EIF3D: variants seen among roughly 807,000 people sequenced by gnomAD.
EIF3D encodes eIF3 p66.
A neutral mutation model predicts 75.4 loss-of-function variants in EIF3D; 10 were observed. The ratio of observed to expected loss-of-function variants is 0.13; its 90% CI spans 0.08 to 0.22. EIF3D has a LOEUF of 0.22. Ranked by LOEUF, EIF3D falls within the 10% of genes least tolerant of loss-of-function variation. The probability of loss-of-function intolerance (pLI) is 1.00; values close to 1 mark genes in which losing one functional copy is unlikely to be tolerated. For missense variants in EIF3D, 394 were observed against 708.0 expected (o/e 0.56, Z 5.03); for synonymous variants, 246 against 248.3 (o/e 0.99, Z 0.09).
intron 14 of EIF3D, 68 bp downstream of exon 14, chr22:36,511,435 G>A (rs1453366135): frequency 1.9e-6 from 3 of 1,583,006 alleles, no homozygotes; most frequent in Non-Finnish European, 2.6e-6. Context: ...GATCACAATG[G>A]CTACAGAGCT....
chr22:36,512,477 A>G lies in EIF3D; in HGVS notation c.1332T>C (p.Ser444=). Residue 444 remains serine, a synonymous_variant, in exon 13 of 15, where the codon TCT becomes TCC. Transcript: ENST00000216190. Reference sequence around the variant, plus strand: ...AATCTCACCCAAGCTTGAGGTACTCAGATCCAGCCAGCAAAGCACAGCAGG... The same window carrying G: ...AATCTCACCCAAGCTTGAGGTACTCGGATCCAGCCAGCAAAGCACAGCAGG... The part of the protein sequence containing the change: ...RWTCCALLAG[S]EYLKLGYVSR... The G allele has an allele frequency of 6.2e-7, 1 of 1,614,202 alleles. No homozygotes were observed. Among genetic ancestry groups the G allele is most frequent in the Non-Finnish European group, 8.5e-7 (1 of 1,180,028 alleles).
At chr22:36,528,597 G>GC (rs1238305639) in intron 1 of EIF3D, 4 of 147,124 alleles carry the variant, frequency 2.7e-5, no homozygotes, top group Admixed American at 2.0e-4. Flanking sequence ...GCTGAACAGG[G>GC]GGTGGGGTAG....
At position 36,516,649 on chromosome 22, in the gene EIF3D, T is replaced by C. The variant is rs371133317; in HGVS notation, c.1077-42A>G. 15 of 1,613,892 alleles carry C rather than the reference T, an allele frequency of 9.3e-6. No individual in the cohort carries two copies. The African/African-American group carries it at 9.3e-5, about 10-fold the overall frequency. On this transcript the variant is annotated intron_variant, in intron 11 of 14. Transcript: ENST00000216190. ...ACTCATGTGGTCACTGGGGATTCTA[T>C]AGAGTGGGGCCCGTGCTCCAGTCTG...
At chr22:36,524,549 C>T (rs1184491758) in intron 4 of EIF3D, 47 bp downstream of exon 4, 1 of 1,609,918 alleles carries the variant, frequency 6.2e-7, no homozygotes, top group Non-Finnish European at 8.5e-7. Context: ...AGGTGATGGC[C>T]AACAGTAACA....
intron 12 of EIF3D, among the ~76,000 whole-genome samples, chr22:36,515,084 A>G (rs924122339): frequency 6.6e-6 from 1 of 152,216 alleles, no homozygotes; most frequent in Admixed American, 6.5e-5. Context: ...CGCTTCCTCT[A>G]GAGCCTGCAG....
In EIF3D at chr22:36,526,139, A is replaced by C. The variant is rs768448856; in HGVS notation, c.-10-8T>G. 1.9e-6 allele frequency: 3 copies of C among 1,596,662 alleles called. No individual in the cohort carries two copies. The South Asian group carries it at 3.4e-5, about 18-fold the overall frequency. Reference sequence around the variant, plus strand: ...TTTGCCATCTTCCAAAATCTGAAAAATATAAATCATGTGAGTAGCGGCATG... The same window carrying C: ...TTTGCCATCTTCCAAAATCTGAAAACTATAAATCATGTGAGTAGCGGCATG... On this transcript the variant is annotated splice_region_variant and splice_polypyrimidine_tract_variant and intron_variant, in intron 1 of 14. Transcript: ENST00000216190.
At chr22:36,528,492 G>A (rs539011064) in intron 1 of EIF3D, among the ~76,000 whole-genome samples, 2 of 150,704 alleles carry the variant, frequency 1.3e-5, no homozygotes, top group African/African-American at 4.9e-5. Flanking sequence ...AGTAACAGCT[G>A]TACTAGTCAC....
At chr22:36,514,905 C>A (rs1934399186) in intron 12 of EIF3D, among the ~76,000 whole-genome samples, 1 of 152,126 alleles carries the variant, frequency 6.6e-6, no homozygotes, top group African/African-American at 2.4e-5. Flanking sequence ...ATCATGGGGG[C>A]AGACTTCCCC....
At chr22:36,511,227 C>T in intron 14 of EIF3D, 1 of 805,662 alleles carries the variant, frequency 1.2e-6, no homozygotes, top group South Asian at 2.0e-5. Context: ...GCTTTTCCCT[C>T]TAGACCACCG....
At chr22:36,521,508 G>A (rs1414698922) in intron 6 of EIF3D, among the ~76,000 whole-genome samples, 1 of 152,182 alleles carries the variant, frequency 6.6e-6, no homozygotes, top group Non-Finnish European at 1.5e-5. Flanking sequence ...GCAGGTGAAC[G>A]TTCACAGCAG....
At position 36,511,519 on chromosome 22, in the gene EIF3D, T is replaced by C; in HGVS notation, c.1617A>G (p.Glu539=). 6.8e-6 allele frequency: 11 copies of C among 1,613,914 alleles called. No individual in the cohort carries two copies. The highest frequency in any genetic ancestry group is 9.3e-6 in the Non-Finnish European group (11 of 1,179,904). Residue 539 remains glutamate (E), a synonymous_variant, in exon 14 of 15, where the codon GAA becomes GAG. Coordinates refer to ENST00000216190, the MANE Select transcript of EIF3D (RefSeq NM_003753.4). Reference sequence around the variant, plus strand: ...GCTACACACCTTCTTCTTCCTCTTCTTCCTCCTCCTCTTCCTCCTCATCTT... The same window carrying C: ...GCTACACACCTTCTTCTTCCTCTTCCTCCTCCTCCTCTTCCTCCTCATCTT... ...SDEDEEEEEE[E]EEEEEEEET
intron 12 of EIF3D, among the ~76,000 whole-genome samples, chr22:36,514,006 G>T (rs1825073838): frequency 6.6e-6 from 1 of 152,164 alleles, no homozygotes; most frequent in Admixed American, 6.5e-5. Context: ...ATGATGAAAT[G>T]GGGCCCTGAA....
At position 36,529,157 on chromosome 22, in the gene EIF3D, A is replaced by C. The variant is rs569711042; in HGVS notation, c.-92T>G. The C allele has an allele frequency of 3.0e-5, 12 of 397,310 alleles. No homozygotes were observed. In the South Asian group the frequency reaches 1.6e-3, roughly 53 times the overall value. The allele number at this position is 397,310 out of a possible 1,614,324, so 24.6% of individuals were successfully genotyped here. A position where few individuals can be genotyped will look rare whatever the true frequency, so the allele number is the denominator to read the frequency against. ...TTAGCAGCAGCACTCTTGAGAAACCAGGAAAAGAGGAAACATGCGCGCGCA... is the reference window on the plus strand; with the variant it reads ...TTAGCAGCAGCACTCTTGAGAAACCCGGAAAAGAGGAAACATGCGCGCGCA... On this transcript the variant is annotated 5_prime_UTR_variant, in exon 1 of 15. Coordinates refer to ENST00000216190, the MANE Select transcript of EIF3D (RefSeq NM_003753.4).
At chr22:36,513,566 G>T (rs1194695161) in intron 12 of EIF3D, among the ~76,000 whole-genome samples, 1 of 152,194 alleles carries the variant, frequency 6.6e-6, no homozygotes, top group Non-Finnish European at 1.5e-5. Flanking sequence ...GCCTCCCAAA[G>T]TGCTGGGATT....
At position 36,510,873 on chromosome 22, in the gene EIF3D, A is replaced by G. The variant is rs1934321132; in HGVS notation, c.*114T>C. ...GATGAGGGAAAGACTAAACAGATAT[A>G]TATTTTATTTCATCTGCTAAATGTC... On this transcript the variant is annotated 3_prime_UTR_variant, in exon 15 of 15. Transcript: ENST00000216190. 3.9e-6 allele frequency: 5 copies of G among 1,274,586 alleles called. No individual in the cohort carries two copies. Among genetic ancestry groups the G allele is most frequent in the Non-Finnish European group, 5.4e-6 (5 of 932,792 alleles). The allele number at this position is 1,274,586 out of a possible 1,614,324, so 79.0% of individuals were successfully genotyped here. A position where few individuals can be genotyped will look rare whatever the true frequency, so the allele number is the denominator to read the frequency against.
intron 1 of EIF3D, 124 bp from the exon 2 acceptor site, chr22:36,526,255 C>T: frequency 3.8e-6 from 4 of 1,053,750 alleles, no homozygotes; most frequent in Non-Finnish European, 5.1e-6. Context: ...AAAATGGAAC[C>T]CTCAACTGTT....
In EIF3D at chr22:36,510,862, T is replaced by TA; in HGVS notation, c.*124dup. The TA allele has an allele frequency of 8.4e-7, 1 of 1,185,658 alleles. No homozygotes were observed. Among genetic ancestry groups the TA allele is most frequent in the Non-Finnish European group, 1.2e-6 (1 of 867,196 alleles). 73.4% of individuals were successfully genotyped at this position (1,185,658 alleles called of 1,614,324 possible). ...TGCAGGCAGACGATGAGGGAAAGAC[T>TA]AAACAGATATATATTTTATTTCATC... On this transcript the variant is annotated 3_prime_UTR_variant, in exon 15 of 15. Transcript: ENST00000216190.
chr22:36,528,716 C>T (rs2145881901), intron 1 of EIF3D: 1 of 152,488 alleles, frequency 6.6e-6, no homozygotes, highest in South Asian at 2.1e-4. Context: ...CCAAACACCG[C>T]TCAGCCTGGT....
At chr22:36,526,199 T>C in intron 1 of EIF3D, 68 bp from the exon 2 acceptor site, 4 of 1,451,620 alleles carry the variant, frequency 2.8e-6, no homozygotes, top group Non-Finnish European at 3.7e-6. Context: ...ACCCTCCATA[T>C]GAAGTAAGCA....
Sources: gnomAD v4.1 joint callset for allele counts (sites outside exome capture counted in the v4.1 genomes callset) on GRCh38, gnomAD v4.1.1 for gene constraint, MANE v1.5 for transcripts, NCBI Gene and HGNC (gene_info 2026-07-23, HGNC 2026-07-21) for gene names.